Variants in GABRA3 observed in about 807,000 individuals in gnomAD.
GABRA3 encodes gamma-aminobutyric acid type A receptor subunit alpha3.
A neutral mutation model predicts 30.1 loss-of-function variants in GABRA3; 10 were observed. The observed-to-expected ratio is 0.33, with a 90% confidence interval of 0.20 to 0.56. The LOEUF (loss-of-function observed/expected upper bound fraction) is 0.56, where lower values mean the gene tolerates loss of function less well. Ranked by LOEUF, GABRA3 falls within the 20% of genes least tolerant of loss-of-function variation. The pLI is 0.89. For synonymous variants in GABRA3, 151 were observed against 146.8 expected (o/e 1.03, Z -0.21); for missense variants, 233 against 392.0 (o/e 0.59, Z 3.42).
At chrX:152,201,762 T>C (rs1327920815) in intron 7 of GABRA3, among the ~76,000 whole-genome samples, 2 of 112,142 alleles carry the variant, frequency 1.8e-5, no homozygotes, top group Non-Finnish European at 3.8e-5. Context: ...AAATCTATCT[T>C]GGGTATTTTT....
At chrX:152,233,517 G>A (rs1054998664) in intron 5 of GABRA3, among the ~76,000 whole-genome samples, 1 of 109,441 alleles carries the variant, frequency 9.1e-6, no homozygotes, top group Admixed American at 9.8e-5. Context: ...ACACCAGTTA[G>A]AATGGCGATC....
chrX:152,288,688 C>T (rs1206394756), intron 3 of GABRA3, among the ~76,000 whole-genome samples: 3 of 111,506 alleles, frequency 2.7e-5, no homozygotes, highest in Non-Finnish European at 3.8e-5. Context: ...TAATTAAGTG[C>T]AAAGGCCAGT....
At chrX:152,343,467 C>T (rs190500635) in intron 3 of GABRA3, among the ~76,000 whole-genome samples, 1 of 104,773 alleles carries the variant, frequency 9.5e-6, no homozygotes, top group African/African-American at 3.5e-5. Context: ...AAAAACAAAA[C>T]GCAATTGCAC....
At chrX:152,333,009 G>A (rs1940185954) in intron 3 of GABRA3, among the ~76,000 whole-genome samples, 1 of 111,382 alleles carries the variant, frequency 9.0e-6, no homozygotes, top group African/African-American at 3.3e-5. Context: ...ATTACTACAT[G>A]TAGTAAAATC....
intron 4 of GABRA3, among the ~76,000 whole-genome samples, chrX:152,283,807 T>C (rs1201180470): frequency 8.9e-6 from 1 of 111,866 alleles, no homozygotes; most frequent in African/African-American, 3.2e-5. Flanking sequence ...ATAGTGAACA[T>C]GGGCATGTCA....
chrX:152,237,537 T>A (rs1322703555), intron 5 of GABRA3, among the ~76,000 whole-genome samples: 1 of 103,001 alleles, frequency 9.7e-6, no homozygotes, highest in African/African-American at 3.6e-5. Context: ...GTGAAGAAAG[T>A]CATTGGTAGC....
At chrX:152,186,368 A>AT (rs1296606452) in intron 9 of GABRA3, among the ~76,000 whole-genome samples, 1 of 109,466 alleles carries the variant, frequency 9.1e-6, no homozygotes, top group Non-Finnish European at 1.9e-5. Flanking sequence ...TGCCCAGCTA[A>AT]TTTTTTGTAT....
intron 7 of GABRA3, among the ~76,000 whole-genome samples, chrX:152,199,814 T>C (rs1937455772): frequency 9.2e-6 from 1 of 109,268 alleles, no homozygotes; most frequent in South Asian, 4.1e-4. Context: ...CTTGCTCTCC[T>C]TCCCTCCCTC....
chrX:152,320,431 A>G (rs1939944403), intron 3 of GABRA3, among the ~76,000 whole-genome samples: 1 of 111,952 alleles, frequency 8.9e-6, no homozygotes, highest in African/African-American at 3.2e-5. Flanking sequence ...AACAACCTGG[A>G]TAGACCTGGA....
intron 9 of GABRA3, among the ~76,000 whole-genome samples, chrX:152,177,830 G>A (rs1199721948): frequency 9.0e-6 from 1 of 111,599 alleles, no homozygotes; most frequent in Non-Finnish European, 1.9e-5. Context: ...AAATGAACAC[G>A]GAGAGAATAC....
At chrX:152,218,097 G>A (rs1260706860) in intron 6 of GABRA3, among the ~76,000 whole-genome samples, 1 of 108,748 alleles carries the variant, frequency 9.2e-6, no homozygotes, top group Non-Finnish European at 1.9e-5. Context: ...AGGTTTTACA[G>A]TTATAAATTT....
chrX:152,259,210 C>T (rs1938687922), intron 4 of GABRA3, among the ~76,000 whole-genome samples: 1 of 112,066 alleles, frequency 8.9e-6, no homozygotes, highest in Non-Finnish European at 1.9e-5. Context: ...TCACTGATCC[C>T]AGCAGTTGCA....
At chrX:152,275,176 T>C (rs1460020452) in intron 4 of GABRA3, among the ~76,000 whole-genome samples, 3 of 77,412 alleles carry the variant, frequency 3.9e-5, no homozygotes, top group Non-Finnish European at 6.9e-5. Context: ...ATAATTTATA[T>C]ATATTTAATA....
At chrX:152,269,483 C>A (rs760899080) in intron 4 of GABRA3, among the ~76,000 whole-genome samples, 1 of 111,805 alleles carries the variant, frequency 8.9e-6, no homozygotes, top group Non-Finnish European at 1.9e-5. Context: ...AAAGAAAAGA[C>A]GAATCCTAAA....
intron 5 of GABRA3, among the ~76,000 whole-genome samples, chrX:152,241,826 T>G (rs5970241): frequency 0.27 from 29,681 of 110,666 alleles, 3,438 homozygotes; most frequent in African/African-American, 0.42. Flanking sequence ...GACCCCTTGC[T>G]CTTCCCAAGT....
chrX:152,252,646 G>A (rs1379416831), intron 5 of GABRA3, among the ~76,000 whole-genome samples: 1 of 111,337 alleles, frequency 9.0e-6, no homozygotes, highest in African/African-American at 3.3e-5. Flanking sequence ...TCATTGTTTT[G>A]AAACTTTAAT....
rs5925136 is a variant in GABRA3 at position 152,201,423 on chromosome X, G to A, written c.779-3638C>T. On this transcript the variant is annotated intron_variant, in intron 7 of 9. Transcript: ENST00000370314. Reference sequence around the variant, plus strand: ...TAGTTATTATCTATGTATCAGAAACGCAGAACAGTTTAGCTAAATAATGTT... The same window carrying A: ...TAGTTATTATCTATGTATCAGAAACACAGAACAGTTTAGCTAAATAATGTT... 5.7e-3 allele frequency among the ~76,000 whole-genome samples: 638 copies of A among 111,947 alleles called. 2 individuals carry two copies. The highest frequency in any genetic ancestry group is 0.012 in the African/African-American group (376 of 30,835).
intron 1 of GABRA3, among the ~76,000 whole-genome samples, chrX:152,441,439 T>C (rs1930929852): frequency 1.8e-5 from 2 of 111,894 alleles, no homozygotes; most frequent in Admixed American, 1.9e-4. Flanking sequence ...AGATTCAATA[T>C]AATTTCAAGA....
chrX:152,432,453 A>T (rs1234193643), intron 1 of GABRA3, among the ~76,000 whole-genome samples: 2 of 111,976 alleles, frequency 1.8e-5, no homozygotes, highest in African/African-American at 3.2e-5. Context: ...AAAAAACAAA[A>T]CTTGTTCAAA....
Sources: allele counts gnomAD v4.1 joint callset (sites outside exome capture counted in the v4.1 genomes callset), GRCh38; gene constraint gnomAD v4.1.1; transcripts MANE v1.5; gene names NCBI Gene and HGNC (gene_info 2026-07-23, HGNC 2026-07-21).